The following PTPN14 variants were observed in gnomAD, a reference collection of about 807,000 sequenced individuals.
The protein encoded by PTPN14 is protein tyrosine phosphatase non-receptor type 14, also known as tyrosine-protein phosphatase non-receptor type 14.
A neutral mutation model predicts 126.8 loss-of-function variants in PTPN14; 53 were observed. The ratio of observed to expected loss-of-function variants is 0.42; its 90% CI spans 0.34 to 0.53. The LOEUF (loss-of-function observed/expected upper bound fraction) is 0.53, where lower values mean the gene tolerates loss of function less well. Among genes scored for constraint, PTPN14 ranks in the 20% least tolerant of loss-of-function variants. The pLI is 0.08. For missense variants in PTPN14, 1,257 were observed against 1,552.9 expected, an observed-to-expected ratio of 0.81 and a Z score of 3.20; for synonymous variants, 630 against 599.3, an observed-to-expected ratio of 1.05 and a Z score of -0.75.
rs1658540319 is a variant in PTPN14 at position 214,383,942 on chromosome 1, T to C, written c.1913A>G (p.Asn638Ser). ...CATCACCTCCAGGCTGTGGCGCTTGTTCACAGTGCCGTGGTGCTTGGTGGC... is the reference window on the plus strand; with the variant it reads ...CATCACCTCCAGGCTGTGGCGCTTGCTCACAGTGCCGTGGTGCTTGGTGGC... Reference protein sequence around the residue: ...LTATKHHGTVNKRHSLEVMNS... With the variant: ...LTATKHHGTVSKRHSLEVMNS... The change falls in exon 13 of 19, where the codon AAC (asparagine) becomes AGC (serine). Residue 638 changes from asparagine (N) to serine (S), a missense_variant. Transcript: ENST00000366956. The surrounding 1 kb of genome is among the most constrained non-coding windows in gnomAD (Gnocchi z 4.4). 6.2e-7 allele frequency: 1 copy of C among 1,613,088 alleles called. No homozygotes were observed. The highest frequency in any genetic ancestry group is 1.7e-5 in the Admixed American group (1 of 60,028).
Position 214,351,309 on chromosome 1 carries a change from AAAAAG to A in PTPN14, c.*6608_*6612del, listed in dbSNP as rs1233092832. 1 of 149,026 alleles carries A rather than the reference AAAAAG, an allele frequency of 6.7e-6. No individual in the cohort carries two copies. Among genetic ancestry groups the A allele is most frequent in the Non-Finnish European group, 1.5e-5 (1 of 67,794 alleles). The allele number at this position is 149,026 out of a possible 1,614,324, so 9.2% of individuals were successfully genotyped here. On this transcript the variant is annotated 3_prime_UTR_variant, in exon 19 of 19. Coordinates refer to ENST00000366956, the MANE Select transcript of PTPN14 (RefSeq NM_005401.5). ...AAAAACTAAAAAAAAAAAAAAAAAG[AAAAAG>A]AAAAAAAAAAAGGCAGCAGACCCTA...
intron 5 of PTPN14, among the ~76,000 whole-genome samples, chr1:214,403,271 T>C (rs6673035): frequency 0.23 from 34,403 of 152,126 alleles, 4,178 homozygotes; most frequent in African/African-American, 0.31. Context: ...TTATAAAAAA[T>C]GCTTTGCGTG....
At chr1:214,429,579 CA>C in intron 3 of PTPN14, among the ~76,000 whole-genome samples, 1 of 152,166 alleles carries the variant, frequency 6.6e-6, no homozygotes, top group Non-Finnish European at 1.5e-5. Context: ...TACCAGTAAC[CA>C]GAAGTTTCCT....
intron 1 of PTPN14, among the ~76,000 whole-genome samples, chr1:214,493,771 C>T (rs997916956): frequency 6.6e-6 from 1 of 151,970 alleles, no homozygotes; most frequent in African/African-American, 2.4e-5. Context: ...CATATATGGT[C>T]AAGATTTCAA....
chr1:214,413,207 C>T (rs1659349061), intron 4 of PTPN14, among the ~76,000 whole-genome samples: 1 of 152,108 alleles, frequency 6.6e-6, no homozygotes, highest in African/African-American at 2.4e-5. Context: ...AAGAAAGACC[C>T]AATTTGACAA....
chr1:214,506,644 C>T (rs1487007542), intron 1 of PTPN14, among the ~76,000 whole-genome samples: 1 of 152,130 alleles, frequency 6.6e-6, no homozygotes, highest in Admixed American at 6.5e-5. Flanking sequence ...ACTGTATCTT[C>T]GTGGTAGTGG....
intron 1 of PTPN14, among the ~76,000 whole-genome samples, chr1:214,514,717 C>A (rs1163481700): frequency 1.3e-5 from 2 of 152,158 alleles, no homozygotes; most frequent in South Asian, 2.1e-4. Flanking sequence ...CCAAACAAGC[C>A]TTCACCCCAT....
intron 3 of PTPN14, among the ~76,000 whole-genome samples, chr1:214,451,578 C>T (rs1237738362): frequency 2.6e-5 from 4 of 152,158 alleles, no homozygotes; most frequent in African/African-American, 7.2e-5. Context: ...ATCCCTACTA[C>T]CTTACCAGCA....
intron 3 of PTPN14, among the ~76,000 whole-genome samples, chr1:214,437,777 C>A (rs1659952448): frequency 6.6e-6 from 1 of 152,184 alleles, no homozygotes; most frequent in Non-Finnish European, 1.5e-5. Context: ...TTAATTCCTT[C>A]CCAGTTCCCC....
rs748929228 is a variant in PTPN14, at chr1:214,451,796, T to C, written c.344+9A>G. ...CCTTATATGGCACACAGGGGGAAAA[T>C]GCACCTACCTTGTGGCCTCTTGCTG... On this transcript the variant is annotated intron_variant, in intron 3 of 18. Transcript: ENST00000366956. The C allele has an allele frequency of 3.7e-6, 6 of 1,613,288 alleles. No individual in the cohort carries two copies. The highest frequency in any genetic ancestry group is 5.1e-6 in the Non-Finnish European group (6 of 1,179,658).
At chr1:214,447,170 T>C (rs1446208830) in intron 3 of PTPN14, among the ~76,000 whole-genome samples, 3 of 152,136 alleles carry the variant, frequency 2.0e-5, no homozygotes, top group Non-Finnish European at 4.4e-5. Flanking sequence ...ATGAATGTTG[T>C]TGGGGCCTTC....
At chr1:214,534,685 C>T (rs865957100) in intron 1 of PTPN14, among the ~76,000 whole-genome samples, 11 of 137,018 alleles carry the variant, frequency 8.0e-5, no homozygotes, top group Admixed American at 5.0e-4. Context: ...TGCACTCCAG[C>T]CTGGGCAACA....
At chr1:214,420,298 T>C (rs1029935236) in intron 3 of PTPN14, among the ~76,000 whole-genome samples, 3 of 152,240 alleles carry the variant, frequency 2.0e-5, no homozygotes, top group African/African-American at 4.8e-5. Flanking sequence ...AGCATGTGCA[T>C]ATACCCAAAC....
chr1:214,372,635 T>C (rs1047460282), intron 16 of PTPN14, 76 bp downstream of exon 16: 4 of 1,604,368 alleles, frequency 2.5e-6, no homozygotes, highest in Middle Eastern at 2.0e-4. Context: ...GGTAGCAAAG[T>C]TGACAGCACA....
In PTPN14 at chr1:214,383,301, G is replaced by C. The variant is rs765841513; in HGVS notation, c.2544+10C>G. On this transcript the variant is annotated intron_variant, in intron 13 of 18. Coordinates refer to ENST00000366956, the MANE Select transcript of PTPN14 (RefSeq NM_005401.5). This position sits in a 1 kb window ranked among gnomAD's most constrained non-coding sequence, Gnocchi z 4.4. Reference sequence around the variant, plus strand: ...CACTGGAAAATGCCCTGGGAGAGGAGGACACTCACCCTGATCATCATCTCT... The same window carrying C: ...CACTGGAAAATGCCCTGGGAGAGGACGACACTCACCCTGATCATCATCTCT... 1.2e-6 allele frequency: 2 copies of C among 1,601,012 alleles called. No individual in the cohort carries two copies. The highest frequency in any genetic ancestry group is 1.1e-5 in the South Asian group (1 of 90,414).
At position 214,364,452 on chromosome 1, in the gene PTPN14, G is replaced by A. The variant is rs1435911181; in HGVS notation, c.3435+60C>T. 6.4e-7 allele frequency: 1 copy of A among 1,560,804 alleles called. No homozygotes were observed. Among genetic ancestry groups the A allele is most frequent in the Admixed American group, 1.8e-5 (1 of 55,116 alleles). ...ATGCAAGGGTGCAGGCAAAGGTTTG[G>A]CCAGGGTGTAGACTTGTCCCCAAGG... On this transcript the variant is annotated intron_variant, in intron 18 of 18. Transcript: ENST00000366956. This position sits in a 1 kb window ranked among gnomAD's most constrained non-coding sequence, Gnocchi z 4.1.
intron 1 of PTPN14, among the ~76,000 whole-genome samples, chr1:214,500,750 G>GA (rs890290093): frequency 8.1e-5 from 12 of 149,002 alleles, no homozygotes; most frequent in South Asian, 2.1e-4. Context: ...CATTAAAAAA[G>GA]AAAAAAAAAA....
At chr1:214,405,758 G>A (rs1267125122) in intron 5 of PTPN14, among the ~76,000 whole-genome samples, 3 of 152,108 alleles carry the variant, frequency 2.0e-5, no homozygotes, top group Non-Finnish European at 4.4e-5. Flanking sequence ...TTACCATGTG[G>A]CAACTTGTAT....
intron 3 of PTPN14, among the ~76,000 whole-genome samples, chr1:214,427,040 T>C (rs919850213): frequency 5.3e-5 from 8 of 152,010 alleles, no homozygotes; most frequent in African/African-American, 1.9e-4. Context: ...CAGCACTTTG[T>C]GGGGCCGAGG....
Sources: gnomAD v4.1 joint callset for allele counts (sites outside exome capture counted in the v4.1 genomes callset) on GRCh38, gnomAD v4.1.1 for gene constraint, Gnocchi (gnomAD v3.1) non-coding constraint, MANE v1.5 for transcripts, NCBI Gene and HGNC (gene_info 2026-07-23, HGNC 2026-07-21) for gene names.